The following EML6 variants were observed in gnomAD, a reference collection of about 807,000 sequenced individuals.
EML6 encodes EMAP like 6, also known as echinoderm microtubule-associated protein-like 6.
Under a neutral mutation model 240.1 loss-of-function variants are expected in EML6, and 154 were observed. The ratio of observed to expected loss-of-function variants is 0.64; its 90% CI spans 0.56 to 0.73. The LOEUF is 0.73. Among genes scored for constraint, EML6 ranks in the 30% least tolerant of loss-of-function variants. The pLI is 0.00. For missense variants in EML6, 2,964 were observed against 2,474.6 expected, an observed-to-expected ratio of 1.20 and a Z score of -4.20; for synonymous variants, 1,148 against 899.0, an observed-to-expected ratio of 1.28 and a Z score of -4.95.
intron 32 of EML6, 95 bp from the exon 33 acceptor site, chr2:54,957,695 T>A (rs1676295286): frequency 9.2e-7 from 1 of 1,081,348 alleles, no homozygotes; most frequent in South Asian, 1.4e-5. Flanking sequence ...AGGCATGGCT[T>A]ACGCCTGCTG....
intron 2 of EML6, among the ~76,000 whole-genome samples, chr2:54,792,535 A>G (rs1004278817): frequency 2.6e-5 from 4 of 152,236 alleles, no homozygotes; most frequent in Non-Finnish European, 5.9e-5. Context: ...TGATTGCCAG[A>G]CACAAGGGGC....
chr2:54,968,507 G>C (rs1446208636), intron 40 of EML6, among the ~76,000 whole-genome samples, 161 bp from the exon 41 acceptor site: 1 of 152,308 alleles, frequency 6.6e-6, no homozygotes, highest in African/African-American at 2.4e-5. Flanking sequence ...ATGAGAGGCA[G>C]GAAAGTCAGC....
In EML6 at chr2:54,895,348, A is replaced by G. The variant is rs1346479711; in HGVS notation, c.2930A>G (p.Asn977Ser). The G allele has an allele frequency of 6.4e-7, 1 of 1,551,914 alleles. No homozygotes were observed. Among genetic ancestry groups the G allele is most frequent in the African/African-American group, 1.4e-5 (1 of 73,026 alleles). The change falls in exon 21 of 42, where the codon AAT becomes AGT. Residue 977 changes from asparagine (N) to serine (S), a missense_variant. Physicochemically the swap from Asn to Ser is conservative, Grantham distance 46. Coordinates refer to ENST00000356458, the MANE Select transcript of EML6 (RefSeq NM_001039753.4). ...GHGHILVGTK[N>S]GEILEIDKSG... is the part of the protein sequence containing the mutation. ...GGACATATCCTGGTGGGAACAAAAA[A>G]TGGAGAGATTCTGGAAATTGATAAG...
intron 26 of EML6, among the ~76,000 whole-genome samples, chr2:54,919,242 T>TTCCCC (rs1674092392): frequency 2.3e-5 from 3 of 128,424 alleles, no homozygotes; most frequent in African/African-American, 9.3e-5. Flanking sequence ...CTATTTTGCT[T>TTCCCC]CCCCCCCCCC....
intron 33 of EML6, among the ~76,000 whole-genome samples, chr2:54,958,338 C>T (rs1470373302): frequency 6.6e-6 from 1 of 151,902 alleles, no homozygotes; most frequent in East Asian, 1.9e-4. Context: ...ACTATAGGCA[C>T]CTGCCACCAC....
At chr2:54,968,610 T>G in intron 40 of EML6, 58 bp from the exon 41 acceptor site, 1 of 977,056 alleles carries the variant, frequency 1.0e-6, no homozygotes, top group South Asian at 1.4e-5. Flanking sequence ...GGAAGTAGTC[T>G]GTGGTTGCTG....
intron 16 of EML6, among the ~76,000 whole-genome samples, chr2:54,874,581 T>C (rs1271919247): frequency 6.6e-6 from 1 of 152,236 alleles, no homozygotes; most frequent in Non-Finnish European, 1.5e-5. Context: ...TGTCAATATA[T>C]AAATGGTAGA....
intron 28 of EML6, among the ~76,000 whole-genome samples, chr2:54,937,552 TTAAAAAAA>T (rs1675207982): frequency 2.1e-5 from 2 of 94,394 alleles, no homozygotes; most frequent in East Asian, 4.8e-4. Context: ...GACTCTGTCT[TTAAAAAAA>T]AAAAAAAAAA....
intron 21 of EML6, among the ~76,000 whole-genome samples, chr2:54,898,986 A>G (rs142733698): frequency 7.2e-4 from 110 of 152,372 alleles, no homozygotes; most frequent in African/African-American, 2.5e-3. Context: ...GAATTGGTCC[A>G]GTGCTTATTA....
At chr2:54,888,320 T>G (rs1340155988) in intron 17 of EML6, among the ~76,000 whole-genome samples, 1 of 152,206 alleles carries the variant, frequency 6.6e-6, no homozygotes, top group African/African-American at 2.4e-5. Flanking sequence ...GTTCCACCCA[T>G]GGTTGCATGC....
Position 54,852,969 on chromosome 2 carries a change from G to A in EML6, c.1445-674G>A, listed in dbSNP as rs574642182. Among the ~76,000 whole-genome samples the A allele has an allele frequency of 7.2e-5, 11 of 152,330 alleles. 1 individual carries two copies. The East Asian group carries it at 1.9e-3, about 27-fold the overall frequency. Reference sequence around the variant, plus strand: ...CCATCCCCATTTGGGAATATACACAGCACAACGGTCGGGATTATTTTCCCG... The same window carrying A: ...CCATCCCCATTTGGGAATATACACAACACAACGGTCGGGATTATTTTCCCG... On this transcript the variant is annotated intron_variant, in intron 10 of 41. Coordinates refer to ENST00000356458, the MANE Select transcript of EML6 (RefSeq NM_001039753.4).
At chr2:54,761,176 A>G (rs944861775) in intron 2 of EML6, among the ~76,000 whole-genome samples, 1 of 152,172 alleles carries the variant, frequency 6.6e-6, no homozygotes, top group African/African-American at 2.4e-5. Flanking sequence ...ATCTGAGAAT[A>G]TGATTTTAAA....
chr2:54,960,266 C>CG lies in EML6; in HGVS notation c.4901dup (p.Cys1635LeufsTer36). On this transcript the variant is annotated frameshift_variant, in exon 35 of 42. Transcript: ENST00000356458. LOFTEE classifies it high-confidence loss of function. ...AAAATTGTGGGACCAGGAGATGAAG[C>CG]GCTGCCGGGCCTTTCAGCTGGAGAC... 6.4e-7 allele frequency: 1 copy of CG among 1,551,510 alleles called. No individual in the cohort carries two copies. Among genetic ancestry groups the CG allele is most frequent in the African/African-American group, 1.4e-5 (1 of 73,152 alleles).
At chr2:54,765,485 G>C (rs1668144637) in intron 2 of EML6, among the ~76,000 whole-genome samples, 2 of 152,048 alleles carry the variant, frequency 1.3e-5, no homozygotes, top group Admixed American at 6.6e-5. Flanking sequence ...TTTGGAGATG[G>C]AGTCTCGCTT....
At chr2:54,862,363 A>C (rs983605095) in intron 12 of EML6, among the ~76,000 whole-genome samples, 3 of 148,598 alleles carry the variant, frequency 2.0e-5, no homozygotes, top group Admixed American at 6.7e-5. Flanking sequence ...AAAAAAAAAA[A>C]AACTTTCTCT....
rs1676309655 is a variant in EML6, at chr2:54,957,928, A to G, written c.4625A>G (p.Tyr1542Cys). ...FWTLAGSALLYKKGVIGSLGA... is the reference protein window; with the variant it reads ...FWTLAGSALLCKKGVIGSLGA... ...ACCCTGGCAGGCAGCGCCTTGCTTT[A>G]CAAGAAAGGGGTCATCGGGTCCCTG... Residue 1542 changes from tyrosine to cysteine, a missense_variant, in exon 33 of 42, where the codon TAC becomes TGC. Physicochemically the swap from Tyr to Cys is radical, Grantham distance 194. Transcript: ENST00000356458. 1 of 1,551,692 alleles carries G rather than the reference A, an allele frequency of 6.4e-7. No individual in the cohort carries two copies. Among genetic ancestry groups the G allele is most frequent in the South Asian group, 1.2e-5 (1 of 84,058 alleles).
intron 13 of EML6, among the ~76,000 whole-genome samples, chr2:54,864,236 A>G (rs1293177997): frequency 2.0e-5 from 3 of 152,208 alleles, no homozygotes; most frequent in East Asian, 3.8e-4. Flanking sequence ...TTATGAAAGC[A>G]TGTGTTTCCT....
At chr2:54,915,447 A>C (rs898526590) in intron 25 of EML6, among the ~76,000 whole-genome samples, 3 of 152,088 alleles carry the variant, frequency 2.0e-5, no homozygotes, top group Non-Finnish European at 2.9e-5. Context: ...CTTCCTGTGA[A>C]GGTTAGGTTA....
intron 17 of EML6, among the ~76,000 whole-genome samples, chr2:54,886,803 C>T (rs1425816935): frequency 6.6e-6 from 1 of 152,090 alleles, no homozygotes; most frequent in Non-Finnish European, 1.5e-5. Context: ...ATATAGGTCC[C>T]TTATCAGATA....
Sources: gnomAD v4.1 joint callset for allele counts (sites outside exome capture counted in the v4.1 genomes callset) on GRCh38, gnomAD v4.1.1 for gene constraint, MANE v1.5 for transcripts, NCBI Gene and HGNC (gene_info 2026-07-23, HGNC 2026-07-21) for gene names.